The following GALNTL6 variants were observed in gnomAD, a reference collection of about 807,000 sequenced individuals.
The protein encoded by GALNTL6 is polypeptide N-acetylgalactosaminyltransferase-like 6.
Under a neutral mutation model 73.7 loss-of-function variants are expected in GALNTL6, and 46 were observed. The ratio of observed to expected loss-of-function variants is 0.62; its 90% confidence interval spans 0.49 to 0.80. The LOEUF (loss-of-function observed/expected upper bound fraction) is 0.80, where lower values mean the gene tolerates loss of function less well. GALNTL6 is among the 30% of genes least tolerant of loss of function. The probability of loss-of-function intolerance (pLI) is 0.00; values close to 1 mark genes in which losing one functional copy is unlikely to be tolerated. For missense variants in GALNTL6, 604 were observed against 755.0 expected (o/e 0.80, Z 2.34); for synonymous variants, 259 against 263.7 (o/e 0.98, Z 0.17).
intron 2 of GALNTL6, among the ~76,000 whole-genome samples, chr4:171,900,487 T>TC (rs1380918376): frequency 4.7e-5 from 7 of 149,482 alleles, no homozygotes; most frequent in South Asian, 4.2e-4. Flanking sequence ...TTTTGTATTT[T>TC]TTTTTTTTTT....
chr4:172,514,840 G>A (rs1241188091), intron 5 of GALNTL6, among the ~76,000 whole-genome samples: 2 of 152,086 alleles, frequency 1.3e-5, no homozygotes, highest in Non-Finnish European at 2.9e-5. Context: ...TTCAGCTCTA[G>A]GTAAGGTTAA....
chr4:172,973,791 C>A (rs1750684988), intron 10 of GALNTL6, among the ~76,000 whole-genome samples: 1 of 152,200 alleles, frequency 6.6e-6, no homozygotes, highest in Non-Finnish European at 1.5e-5. Context: ...CACGCTTTCT[C>A]TCTCCCTCTG....
chr4:172,912,158 A>G (rs1262756770), intron 8 of GALNTL6, among the ~76,000 whole-genome samples: 3 of 152,226 alleles, frequency 2.0e-5, no homozygotes, highest in African/African-American at 7.2e-5. Flanking sequence ...TATAGTTCTC[A>G]AGTCCTTCAC....
intron 2 of GALNTL6, among the ~76,000 whole-genome samples, chr4:171,914,099 C>T (rs1168747316): frequency 6.6e-6 from 1 of 152,038 alleles, no homozygotes; most frequent in African/African-American, 2.4e-5. Context: ...AAATAAAACA[C>T]TAACAAAATC....
chr4:173,039,628 A>C (rs927300155), intron 12 of GALNTL6, among the ~76,000 whole-genome samples: 1 of 152,208 alleles, frequency 6.6e-6, no homozygotes, highest in African/African-American at 2.4e-5. Flanking sequence ...GATAGCAAAA[A>C]GCTCACCACA....
intron 3 of GALNTL6, among the ~76,000 whole-genome samples, chr4:172,263,716 A>G (rs1159708837): frequency 6.6e-6 from 1 of 151,604 alleles, no homozygotes; most frequent in Non-Finnish European, 1.5e-5. Flanking sequence ...AGTCAAAATA[A>G]TGCTAATAAT....
chr4:172,114,977 C>T (rs912190003), intron 2 of GALNTL6, among the ~76,000 whole-genome samples: 1 of 152,082 alleles, frequency 6.6e-6, no homozygotes, highest in Non-Finnish European at 1.5e-5. Context: ...GAAAAGCACA[C>T]AAGCCATTCC....
At chr4:173,007,105 G>T (rs1234129697) in intron 10 of GALNTL6, among the ~76,000 whole-genome samples, 2 of 152,062 alleles carry the variant, frequency 1.3e-5, no homozygotes, top group East Asian at 3.9e-4. Flanking sequence ...AATGAAATAT[G>T]AACTACTCTT....
At chr4:171,824,158 G>A (rs991849688) in intron 2 of GALNTL6, among the ~76,000 whole-genome samples, 2 of 146,778 alleles carry the variant, frequency 1.4e-5, no homozygotes, top group South Asian at 4.4e-4. Flanking sequence ...ATTTTAAAAA[G>A]TTGTCAAGGT....
intron 10 of GALNTL6, among the ~76,000 whole-genome samples, chr4:172,992,654 G>A (rs960432955): frequency 6.6e-6 from 1 of 152,104 alleles, no homozygotes; most frequent in African/African-American, 2.4e-5. Flanking sequence ...TAAACAGTCT[G>A]GGTAGCACCA....
intron 3 of GALNTL6, among the ~76,000 whole-genome samples, chr4:172,291,814 A>C (rs9996897): frequency 6.6e-6 from 1 of 151,670 alleles, no homozygotes; most frequent in African/African-American, 2.4e-5. Context: ...AGGCTAAAAA[A>C]AATTCTGCCA....
At chr4:172,531,529 G>A (rs768137387) in intron 5 of GALNTL6, among the ~76,000 whole-genome samples, 1 of 152,170 alleles carries the variant, frequency 6.6e-6, no homozygotes, top group Non-Finnish European at 1.5e-5. Flanking sequence ...AGCCAGTGGG[G>A]TCTTCTCTTC....
intron 3 of GALNTL6, among the ~76,000 whole-genome samples, chr4:172,251,074 G>T (rs966787831): frequency 1.3e-5 from 2 of 152,124 alleles, no homozygotes; most frequent in African/African-American, 4.8e-5. Context: ...GTGTATATAT[G>T]TATATGGAGA....
chr4:172,652,155 G>A (rs1315487111), intron 5 of GALNTL6, among the ~76,000 whole-genome samples: 1 of 152,176 alleles, frequency 6.6e-6, no homozygotes, highest in African/African-American at 2.4e-5. Context: ...ATGGGGATTA[G>A]TTTTCCCTTT....
At chr4:172,326,399 A>G (rs955522264) in intron 4 of GALNTL6, among the ~76,000 whole-genome samples, 1 of 151,922 alleles carries the variant, frequency 6.6e-6, no homozygotes, top group Non-Finnish European at 1.5e-5. Context: ...CGGGTGCATA[A>G]ACATTTTGGA....
intron 2 of GALNTL6, among the ~76,000 whole-genome samples, chr4:172,120,442 T>C (rs994562432): frequency 6.6e-6 from 1 of 152,190 alleles, no homozygotes; most frequent in Non-Finnish European, 1.5e-5. Context: ...TCATATCACA[T>C]AGCCTTTATC....
intron 7 of GALNTL6, among the ~76,000 whole-genome samples, chr4:172,819,829 C>T (rs572215302): frequency 3.0e-4 from 46 of 152,140 alleles, no homozygotes; most frequent in Non-Finnish European, 5.7e-4. Flanking sequence ...AGATTTTCAC[C>T]TCCCATTCTA....
chr4:172,946,338 A>G (rs1048138479), intron 9 of GALNTL6, among the ~76,000 whole-genome samples: 1 of 152,206 alleles, frequency 6.6e-6, no homozygotes, highest in African/African-American at 2.4e-5. Flanking sequence ...CCCAAATAAT[A>G]CACTGAGAAA....
chr4:172,242,309 A>ATGTGTGTGTGTGTTTG (rs1737464322), intron 3 of GALNTL6, among the ~76,000 whole-genome samples: 1 of 151,466 alleles, frequency 6.6e-6, no homozygotes, highest in Non-Finnish European at 1.5e-5. Flanking sequence ...CCATTCAGAG[A>ATGTGTGTGTGTGTTTG]TGTGTGTGTG....
Sources: allele counts gnomAD v4.1 joint callset (sites outside exome capture counted in the v4.1 genomes callset), GRCh38; gene constraint gnomAD v4.1.1; transcripts MANE v1.5; gene names NCBI Gene and HGNC (gene_info 2026-07-23, HGNC 2026-07-21).